The following STK3 variants were observed in gnomAD, a reference collection of about 807,000 sequenced individuals.
STK3 encodes serine/threonine kinase 3.
A neutral mutation model predicts 58.0 loss-of-function variants in STK3; 41 were observed. That is an observed-to-expected ratio of 0.71 (90% CI 0.55 to 0.92). The LOEUF is 0.92. Among genes scored for constraint, STK3 ranks in the 40% least tolerant of loss-of-function variants. STK3 has a pLI of 0.00. For missense variants in STK3, 479 were observed against 602.7 expected (o/e 0.79, Z 2.15); for synonymous variants, 170 against 191.0 (o/e 0.89, Z 0.91).
chr8:98,819,112 C>G (rs1834733802), intron 1 of STK3, among the ~76,000 whole-genome samples: 1 of 152,088 alleles, frequency 6.6e-6, no homozygotes. Flanking sequence ...CGTGAGCCAC[C>G]GTGCCCAGCC....
chr8:98,835,465 A>G (rs940095195), intron 3 of STK3, among the ~76,000 whole-genome samples: 1 of 152,178 alleles, frequency 6.6e-6, no homozygotes, highest in Non-Finnish European at 1.5e-5. Flanking sequence ...TAAATGGGCA[A>G]CTTCAACATT....
At chr8:98,703,782 T>C (rs780052659) in intron 6 of STK3, among the ~76,000 whole-genome samples, 2 of 152,116 alleles carry the variant, frequency 1.3e-5, no homozygotes, top group Non-Finnish European at 1.5e-5. Flanking sequence ...CACACTACCA[T>C]AGGAAGGCCC....
At chr8:98,633,506 T>C (rs549570114) in intron 6 of STK3, 1 of 655,594 alleles carries the variant, frequency 1.5e-6, no homozygotes, top group African/African-American at 1.8e-5. Context: ...GGCGTTGGCT[T>C]TGCCAGCTCA....
intron 4 of STK3, among the ~76,000 whole-genome samples, chr8:98,716,452 C>A (rs1045350333): frequency 1.3e-5 from 2 of 151,652 alleles, no homozygotes; most frequent in African/African-American, 2.4e-5. Context: ...GAATAAAATA[C>A]TTAGGAATTA....
At chr8:98,576,156 T>C (rs1291694003) in intron 8 of STK3, among the ~76,000 whole-genome samples, 1 of 152,220 alleles carries the variant, frequency 6.6e-6, no homozygotes, top group East Asian at 1.9e-4. Flanking sequence ...TTGAAGAGAT[T>C]GTTCTTTTCC....
At chr8:98,794,126 C>G (rs1832975700) in intron 1 of STK3, among the ~76,000 whole-genome samples, 1 of 151,892 alleles carries the variant, frequency 6.6e-6, no homozygotes, top group Non-Finnish European at 1.5e-5. Flanking sequence ...TCTAGAGGAA[C>G]TAGAAACAAA....
intron 8 of STK3, among the ~76,000 whole-genome samples, chr8:98,569,991 A>G (rs1188113026): frequency 6.7e-6 from 1 of 149,070 alleles, no homozygotes; most frequent in African/African-American, 2.4e-5. Context: ...ATCTATACTT[A>G]TATTTAGGAA....
intron 1 of STK3, among the ~76,000 whole-genome samples, chr8:98,810,194 C>T (rs1289815859): frequency 6.6e-6 from 1 of 152,144 alleles, no homozygotes; most frequent in African/African-American, 2.4e-5. Context: ...CACCTCCCAC[C>T]AGGTCCCACC....
the STK3 span, among the ~76,000 whole-genome samples, chr8:98,346,015 G>A: frequency 3.9e-5 from 6 of 152,036 alleles, no homozygotes; most frequent in Non-Finnish European, 1.5e-5. Flanking sequence ...GGGCATGGTG[G>A]GTGCTCACAC....
chr8:98,787,070 G>C (rs1310222507), intron 1 of STK3, among the ~76,000 whole-genome samples: 1 of 146,002 alleles, frequency 6.8e-6, no homozygotes, highest in Non-Finnish European at 1.5e-5. Flanking sequence ...TCGGGAGGCT[G>C]AGGCAGAAGA....
At chr8:98,648,975 T>G (rs1460740705) in intron 6 of STK3, among the ~76,000 whole-genome samples, 1 of 151,074 alleles carries the variant, frequency 6.6e-6, no homozygotes, top group Non-Finnish European at 1.5e-5. Context: ...GAAAATCACT[T>G]GAAGCCAGGA....
chr8:98,429,471 C>A (rs1818297530), intron 3 of STK3: 1 of 1,274,580 alleles, frequency 7.8e-7, no homozygotes, highest in Non-Finnish European at 1.1e-6. Flanking sequence ...GTGCCTCTGG[C>A]ACAGCCCAGG....
intron 6 of STK3, among the ~76,000 whole-genome samples, chr8:98,662,561 T>G (rs1822039928): frequency 6.6e-6 from 1 of 152,168 alleles, no homozygotes; most frequent in African/African-American, 2.4e-5. Context: ...TTTTTAAAAG[T>G]AAAGCTTAAA....
the STK3 span, among the ~76,000 whole-genome samples, chr8:98,361,617 T>C: frequency 2.6e-5 from 4 of 152,164 alleles, no homozygotes; most frequent in Non-Finnish European, 5.9e-5. Context: ...TTAACATCTG[T>C]TTGGGTTGCC....
intron 3 of STK3, among the ~76,000 whole-genome samples, chr8:98,831,195 CCAT>C (rs1483561615): frequency 9.2e-5 from 14 of 152,116 alleles, no homozygotes; most frequent in South Asian, 2.1e-4. Context: ...ACGTACACCA[CCAT>C]GTTTAAAATA....
intron 1 of STK3, among the ~76,000 whole-genome samples, chr8:98,903,834 G>T (rs368176923): frequency 2.0e-5 from 3 of 152,022 alleles, no homozygotes; most frequent in Non-Finnish European, 2.9e-5. Context: ...TTCAAAATAC[G>T]TTTTTTATCA....
intron 3 of STK3, among the ~76,000 whole-genome samples, chr8:98,876,691 A>G (rs1323929360): frequency 6.6e-6 from 1 of 152,194 alleles, no homozygotes; most frequent in Non-Finnish European, 1.5e-5. Context: ...GACTGGAACA[A>G]TGACTTGCTC....
chr8:98,584,746 C>T (rs1248786344), intron 7 of STK3, among the ~76,000 whole-genome samples: 1 of 149,386 alleles, frequency 6.7e-6, no homozygotes, highest in African/African-American at 2.5e-5. Context: ...TTCTCCACAT[C>T]CTCTCCAGCA....
At chr8:98,357,107 C>T in the STK3 span, among the ~76,000 whole-genome samples, 9 of 152,120 alleles carry the variant, frequency 5.9e-5, no homozygotes, top group Admixed American at 6.5e-5. Flanking sequence ...CTGGGTTTTC[C>T]TTCATGCCCT....
Sources: allele counts gnomAD v4.1 joint callset (sites outside exome capture counted in the v4.1 genomes callset), GRCh38; gene constraint gnomAD v4.1.1; transcripts MANE v1.5; gene names NCBI Gene and HGNC (gene_info 2026-07-23, HGNC 2026-07-21).